EVI5L: variants seen among roughly 807,000 people sequenced by gnomAD.
EVI5L encodes the protein EVI5-like protein.
A neutral mutation model predicts 106.1 loss-of-function variants in EVI5L; 30 were observed. That is an observed-to-expected ratio of 0.28 (90% confidence interval 0.21 to 0.38). The LOEUF (loss-of-function observed/expected upper bound fraction) is 0.38. Among genes scored for constraint, EVI5L ranks in the 10% least tolerant of loss-of-function variants. The pLI is 1.00. For synonymous variants in EVI5L, 489 were observed against 483.3 expected (o/e 1.01, Z -0.15); for missense variants, 809 against 1,098.0 (o/e 0.74, Z 3.72).
intron 8 of EVI5L, 51 bp downstream of exon 8, chr19:7,851,821 G>A (rs757182992): frequency 2.8e-6 from 4 of 1,444,696 alleles, no homozygotes; most frequent in East Asian, 2.5e-5. Flanking sequence ...CAGGGGCTTC[G>A]AGTCACAGGA....
At chr19:7,851,264 G>A (rs1475479489) in intron 6 of EVI5L, among the ~76,000 whole-genome samples, 170 bp from the exon 7 acceptor site, 1 of 152,148 alleles carries the variant, frequency 6.6e-6, no homozygotes, top group Non-Finnish European at 1.5e-5. Flanking sequence ...AAGCTCGGGG[G>A]TGCTTCGGCC....
intron 1 of EVI5L, among the ~76,000 whole-genome samples, chr19:7,838,858 G>A (rs964840353): frequency 2.0e-5 from 3 of 152,040 alleles, no homozygotes; most frequent in Admixed American, 6.6e-5. Flanking sequence ...TGGCCAAACC[G>A]GCCAGGCACA....
chr19:7,863,539 G>T lies in EVI5L; in HGVS notation c.2255G>T (p.Gly752Val), dbSNP rs1481094390. 6.3e-7 allele frequency: 1 copy of T among 1,599,414 alleles called. No individual in the cohort carries two copies. The highest frequency in any genetic ancestry group is 8.5e-7 in the Non-Finnish European group (1 of 1,173,946). Residue 752 changes from glycine to valine, a missense_variant, in exon 20 of 20, where the codon GGC becomes GTC. Coordinates refer to ENST00000538904, the MANE Select transcript of EVI5L (RefSeq NM_001159944.3). This position sits in a 1 kb window ranked among gnomAD's most constrained non-coding sequence, Gnocchi z 7.7. ...CCGTCGTCGGACGAGGAGCTACTTG[G>T]CGTAGGCGTGGGCGCTGCCCTGCAG... Reference protein sequence around the residue: ...SLPSSDEELLGVGVGAALQDA... With the variant: ...SLPSSDEELLVVGVGAALQDA...
rs879883446 is a variant in EVI5L at position 7,851,238 on chromosome 19, C to G, written c.754-196C>G. On this transcript the variant is annotated intron_variant, in intron 6 of 19. Transcript: ENST00000538904. ...GATCTTGCCATCCCTGCCTGTCCCCCACCCCGTGCTACTCAAAGCTCGGGG... is the reference window on the plus strand; with the variant it reads ...GATCTTGCCATCCCTGCCTGTCCCCGACCCCGTGCTACTCAAAGCTCGGGG... Among the ~76,000 whole-genome samples the G allele has an allele frequency of 5.3e-5, 8 of 152,266 alleles. No individual in the cohort carries two copies. The East Asian group carries it at 1.5e-3, about 29-fold the overall frequency.
chr19:7,840,767 G>T (rs1046681459), intron 1 of EVI5L, among the ~76,000 whole-genome samples: 2 of 151,768 alleles, frequency 1.3e-5, no homozygotes, highest in African/African-American at 4.8e-5. Context: ...TGTTTTCAAG[G>T]TTCATCCATG....
chr19:7,857,162 T>A lies in EVI5L; in HGVS notation c.1233+38T>A. 1 of 1,550,750 alleles carries A rather than the reference T, an allele frequency of 6.4e-7. No homozygotes were observed. Among genetic ancestry groups the A allele is most frequent in the Non-Finnish European group, 8.7e-7 (1 of 1,146,792 alleles). ...TTTATCCCCTCTCCGGATTCCTTCC[T>A]GGCCCCTTCCCTGCACCCTGCACAT... On this transcript the variant is annotated intron_variant, in intron 12 of 19. Transcript: ENST00000538904. This position sits in a 1 kb window ranked among gnomAD's most constrained non-coding sequence, Gnocchi z 4.5.
chr19:7,862,613 G>C, intron 17 of EVI5L, 79 bp downstream of exon 17: 1 of 1,163,432 alleles, frequency 8.6e-7, no homozygotes, highest in East Asian at 3.5e-5. Context: ...CCCCCAATCC[G>C]CCTCTGCCGG....
intron 8 of EVI5L, 104 bp from the exon 9 acceptor site, chr19:7,852,982 G>A (rs990890817): frequency 5.0e-5 from 55 of 1,092,112 alleles, no homozygotes; most frequent in Non-Finnish European, 7.2e-5. Context: ...GCGACACCCC[G>A]GGCAGACCCG....
rs1324347427 is a variant in EVI5L, at chr19:7,848,770, GA to G, written c.328-145del. ...GGTGACAGAGGGAGACCCTGTCTCT[GA>G]AAAAAGGGGGTAAAAAAAGGATTGG... On this transcript the variant is annotated intron_variant, in intron 3 of 19. Transcript: ENST00000538904. This position sits in a 1 kb window ranked among gnomAD's most constrained non-coding sequence, Gnocchi z 4.8. 16 of 700,780 alleles carry G rather than the reference GA, an allele frequency of 2.3e-5. No individual in the cohort carries two copies. Among genetic ancestry groups the G allele is most frequent in the Non-Finnish European group, 3.5e-5 (15 of 425,992 alleles). The allele number at this position is 700,780 out of a possible 1,614,324, so 43.4% of individuals were successfully genotyped here.
chr19:7,855,771 T>C (rs1005377424), intron 10 of EVI5L, among the ~76,000 whole-genome samples: 7 of 152,236 alleles, frequency 4.6e-5, no homozygotes, highest in African/African-American at 1.7e-4. Context: ...ACGAAGGCAC[T>C]GACGTTATTT....
chr19:7,857,667 G>A lies in EVI5L; in HGVS notation c.1234-524G>A. ...GGTGGCTTTGAGCCTGGAATGGGGG[G>A]CCCAAGTTGGGTAGGGGACAAAGAT... On this transcript the variant is annotated intron_variant, in intron 12 of 19. Coordinates refer to ENST00000538904, the MANE Select transcript of EVI5L (RefSeq NM_001159944.3). The surrounding 1 kb of genome is among the most constrained non-coding windows in gnomAD (Gnocchi z 4.5). 5.5e-6 allele frequency: 1 copy of A among 181,738 alleles called. No homozygotes were observed. Among genetic ancestry groups the A allele is most frequent in the Non-Finnish European group, 1.2e-5 (1 of 86,294 alleles). 11.3% of individuals were successfully genotyped at this position (181,738 alleles called of 1,614,324 possible).
At chr19:7,841,482 T>C (rs1399843085) in intron 1 of EVI5L, among the ~76,000 whole-genome samples, 1 of 150,710 alleles carries the variant, frequency 6.6e-6, no homozygotes, top group African/African-American at 2.4e-5. Flanking sequence ...CAAACGGAAG[T>C]CGAAGATGAC....
intron 1 of EVI5L, among the ~76,000 whole-genome samples, chr19:7,842,924 G>A (rs1374384337): frequency 6.6e-6 from 1 of 151,692 alleles, no homozygotes; most frequent in East Asian, 1.9e-4. Context: ...GTGTGTGAAG[G>A]TACCGGGTGT....
At chr19:7,842,037 G>A (rs1978624812) in intron 1 of EVI5L, among the ~76,000 whole-genome samples, 1 of 151,656 alleles carries the variant, frequency 6.6e-6, no homozygotes, top group South Asian at 2.1e-4. Flanking sequence ...ATGAATGTGT[G>A]TGTGCCTGAG....
In EVI5L at chr19:7,848,931, G is replaced by T; in HGVS notation, c.338G>T (p.Arg113Leu). Residue 113 changes from arginine to leucine, a missense_variant, in exon 4 of 20, where the codon CGC (arginine) becomes CTC (leucine). Physicochemically the swap from Arg to Leu is moderately radical, Grantham distance 102 (BLOSUM62 -2). Transcript: ENST00000538904. This position sits in a 1 kb window ranked among gnomAD's most constrained non-coding sequence, Gnocchi z 4.8. ...CGCTCCCGTGGCCAGGAGCTGATCC[G>T]CAAGGGCATCCCCCACCACTTCCGG... ...RKEKLLKELIRKGIPHHFRAI... is the reference protein window; with the variant it reads ...RKEKLLKELILKGIPHHFRAI... 1 of 1,609,476 alleles carries T rather than the reference G, an allele frequency of 6.2e-7. No individual in the cohort carries two copies. The highest frequency in any genetic ancestry group is 1.1e-5 in the South Asian group (1 of 91,026).
In EVI5L at chr19:7,858,435, C is replaced by A; in HGVS notation, c.1374+104C>A. 7.2e-7 allele frequency: 1 copy of A among 1,387,740 alleles called. No individual in the cohort carries two copies. Among genetic ancestry groups the A allele is most frequent in the Non-Finnish European group, 9.5e-7 (1 of 1,051,064 alleles). 86.0% of individuals were successfully genotyped at this position (1,387,740 alleles called of 1,614,324 possible). On this transcript the variant is annotated intron_variant, in intron 13 of 19. Transcript: ENST00000538904. This position sits in a 1 kb window ranked among gnomAD's most constrained non-coding sequence, Gnocchi z 5.7. ...CTCATAATCTGCCCCGCCTCAGCAC[C>A]TGGCCCTCCTGTTCCTTTCTGGGGT...
At position 7,863,598 on chromosome 19, in the gene EVI5L, C is replaced by T. The variant is rs1490016653; in HGVS notation, c.2314C>T (p.Arg772Cys). 1.3e-6 allele frequency: 2 copies of T among 1,578,432 alleles called. No individual in the cohort carries two copies. Among genetic ancestry groups the T allele is most frequent in the Non-Finnish European group, 8.6e-7 (1 of 1,163,068 alleles). The stretch of plus-strand genomic sequence containing the variant: ...GTACCCTCTGTCCCCGCGCGATGCG[C>T]GCTTCTTCCGCCGTCTGGAGCGGCC... Reference protein sequence around the residue: ...ALYPLSPRDARFFRRLERPAK... With the variant: ...ALYPLSPRDACFFRRLERPAK... The change falls in exon 20 of 20, where the codon CGC becomes TGC. Residue 772 changes from arginine (R) to cysteine (C), a missense_variant. Arg to Cys is a radical substitution (Grantham distance 180). Transcript: ENST00000538904. The surrounding 1 kb of genome is among the most constrained non-coding windows in gnomAD (Gnocchi z 7.7).
chr19:7,853,224 G>C (rs1337524853), intron 9 of EVI5L, 41 bp downstream of exon 9: 1 of 1,613,956 alleles, frequency 6.2e-7, no homozygotes, highest in South Asian at 1.1e-5. Flanking sequence ...GTAAGAAGGG[G>C]GGACCCCCGA....
intron 1 of EVI5L, among the ~76,000 whole-genome samples, chr19:7,831,226 A>AACACACACACAC (rs4045095): frequency 6.1e-5 from 8 of 130,364 alleles, no homozygotes; most frequent in Non-Finnish European, 9.8e-5. Context: ...GAAAACCCCA[A>AACACACACACAC]ACACACACAC....
Sources: gnomAD v4.1 joint callset for allele counts (sites outside exome capture counted in the v4.1 genomes callset) on GRCh38, gnomAD v4.1.1 for gene constraint, Gnocchi (gnomAD v3.1) non-coding constraint, MANE v1.5 for transcripts, NCBI Gene and HGNC (gene_info 2026-07-23, HGNC 2026-07-21) for gene names.